Variants in DHX57 observed in about 807,000 individuals in gnomAD.
DHX57 encodes the protein putative ATP-dependent RNA helicase DHX57.
In DHX57, 105 loss-of-function variants were observed where a neutral mutation model predicts 156.2. That is an observed-to-expected ratio of 0.67 (90% CI 0.57 to 0.79). The LOEUF (loss-of-function observed/expected upper bound fraction) is 0.79. Ranked by LOEUF, DHX57 falls within the 30% of genes least tolerant of loss-of-function variation. The probability of loss-of-function intolerance (pLI) is 0.00; values close to 1 mark genes in which losing one functional copy is unlikely to be tolerated. For missense variants in DHX57, 1,847 were observed against 1,661.9 expected, an observed-to-expected ratio of 1.11 and a Z score of -1.94; for synonymous variants, 704 against 595.6, an observed-to-expected ratio of 1.18 and a Z score of -2.65.
chr2:38,806,764 A>G (rs939051678), intron 21 of DHX57, 71 bp from the exon 22 acceptor site: 22 of 1,473,996 alleles, frequency 1.5e-5, no homozygotes, highest in African/African-American at 1.4e-5. Context: ...TCTTGGCACA[A>G]AAGCACAAAA....
intron 12 of DHX57, chr2:38,838,671 G>C (rs1245482519): frequency 2.5e-6 from 1 of 398,114 alleles, no homozygotes; most frequent in Non-Finnish European, 5.0e-6. Context: ...ACTAACCTAT[G>C]GCAATCAATG....
At chr2:38,823,409 T>C in intron 16 of DHX57, 140 bp from the exon 17 acceptor site, 1 of 871,944 alleles carries the variant, frequency 1.1e-6, no homozygotes, top group Non-Finnish European at 1.7e-6. Context: ...CTTCTACCAA[T>C]AAACCACAAA....
intron 11 of DHX57, among the ~76,000 whole-genome samples, chr2:38,845,317 A>G (rs1257411556): frequency 6.6e-6 from 1 of 152,192 alleles, no homozygotes; most frequent in Non-Finnish European, 1.5e-5. Flanking sequence ...CTCATATTCA[A>G]TGGTAGTGGG....
At chr2:38,816,933 T>C (rs1670574878) in intron 19 of DHX57, among the ~76,000 whole-genome samples, 1 of 152,158 alleles carries the variant, frequency 6.6e-6, no homozygotes, top group African/African-American at 2.4e-5. Context: ...GGAAATGTAA[T>C]TTAAAAGAAA....
chr2:38,839,335 C>G (rs528767298), intron 12 of DHX57, among the ~76,000 whole-genome samples: 1 of 152,082 alleles, frequency 6.6e-6, no homozygotes, highest in African/African-American at 2.4e-5. Flanking sequence ...GCCCTAACTA[C>G]AGTCTAACTG....
intron 2 of DHX57, 129 bp downstream of exon 2, chr2:38,868,053 A>C: frequency 8.5e-7 from 1 of 1,169,652 alleles, no homozygotes. Context: ...TCTTCAGAAA[A>C]GGGTTACAAA....
intron 5 of DHX57, among the ~76,000 whole-genome samples, chr2:38,860,680 A>G (rs2124928568): frequency 6.6e-6 from 1 of 152,330 alleles, no homozygotes; most frequent in East Asian, 1.9e-4. Context: ...ACAAAAGAAA[A>G]CCAAATGAAT....
At position 38,863,399 on chromosome 2, in the gene DHX57, G is replaced by T; in HGVS notation, c.345C>A (p.Leu115=). 6.2e-7 allele frequency: 1 copy of T among 1,613,740 alleles called. No individual in the cohort carries two copies. Among genetic ancestry groups the T allele is most frequent in the Non-Finnish European group, 8.5e-7 (1 of 1,179,962 alleles). ...CAGCATCTTGTTCTTGCAGGTCTCG[G>T]AGAAGAGCTTTCACTTTCTCTTGAT... The part of the protein sequence containing the change: ...SENQEKVKAL[L]RDLQEQDADA... The change falls in exon 3 of 24, where the codon CTC becomes CTA. Residue 115 remains leucine, a synonymous_variant. Transcript: ENST00000457308.
At chr2:38,852,257 A>T (rs1278695383) in intron 9 of DHX57, among the ~76,000 whole-genome samples, 1 of 147,526 alleles carries the variant, frequency 6.8e-6, no homozygotes, top group Non-Finnish European at 1.5e-5. Flanking sequence ...GCTCACGGCA[A>T]CCTCCGCCTC....
chr2:38,819,111 G>C lies in DHX57; in HGVS notation c.3325C>G (p.Gln1109Glu), dbSNP rs763548572. The C allele has an allele frequency of 8.1e-6, 13 of 1,614,086 alleles. No homozygotes were observed. The South Asian group carries it at 9.9e-5, about 12-fold the overall frequency. The change falls in exon 18 of 24, where the codon CAG (glutamine) becomes GAG (glutamate). Residue 1109 changes from glutamine (Q) to glutamate (E), a missense_variant. Gln to Glu is a conservative substitution (Grantham distance 29). Coordinates refer to ENST00000457308, the MANE Select transcript of DHX57 (RefSeq NM_198963.3). ...GCGAATGCAAATTCCAGCTTTTTCT[G>C]GTTAGCTTCTTCTTTTTTATCCCAG... ...SPWDKKEEAN[Q>E]KKLEFAFANS... is the part of the protein sequence containing the mutation.
chr2:38,855,409 G>T, intron 7 of DHX57, 157 bp from the exon 8 acceptor site: 1 of 763,690 alleles, frequency 1.3e-6, no homozygotes, highest in Non-Finnish European at 2.2e-6. Context: ...TTATTACCAA[G>T]AGGTGGGAAA....
At chr2:38,832,801 G>C (rs557014410) in intron 13 of DHX57, among the ~76,000 whole-genome samples, 2 of 151,892 alleles carry the variant, frequency 1.3e-5, no homozygotes, top group African/African-American at 2.4e-5. Flanking sequence ...GCCTCCCAAA[G>C]TGCTGGCATT....
chr2:38,843,662 T>C (rs1170082031), intron 11 of DHX57, among the ~76,000 whole-genome samples: 1 of 152,196 alleles, frequency 6.6e-6, no homozygotes, highest in Non-Finnish European at 1.5e-5. Context: ...ATTTCAAAAC[T>C]CTTACAACTG....
intron 14 of DHX57, among the ~76,000 whole-genome samples, chr2:38,826,914 C>T (rs576740733): frequency 2.6e-5 from 4 of 152,102 alleles, no homozygotes; most frequent in East Asian, 1.9e-4. Context: ...GCGGATCACC[C>T]GAGGTCAGGA....
intron 20 of DHX57, 75 bp from the exon 21 acceptor site, chr2:38,813,970 C>G (rs1386199731): frequency 1.3e-6 from 2 of 1,521,112 alleles, no homozygotes; most frequent in African/African-American, 2.8e-5. Flanking sequence ...TGGAGTCTTG[C>G]TCTGTCACCC....
intron 13 of DHX57, among the ~76,000 whole-genome samples, chr2:38,833,947 T>C (rs561505568): frequency 6.6e-6 from 1 of 152,172 alleles, no homozygotes; most frequent in Admixed American, 6.5e-5. Flanking sequence ...TTATAAAAGG[T>C]TAAAATAATC....
intron 20 of DHX57, among the ~76,000 whole-genome samples, chr2:38,814,889 A>G (rs1209428518): frequency 1.3e-5 from 2 of 151,578 alleles, no homozygotes; most frequent in East Asian, 3.9e-4. Flanking sequence ...TGCCTGGATA[A>G]TTGTGTATTT....
chr2:38,819,117 C>T lies in DHX57; in HGVS notation c.3319G>A (p.Ala1107Thr), dbSNP rs1670690146. Residue 1107 changes from alanine (A) to threonine (T), a missense_variant, in exon 18 of 24, where the codon GCT (alanine) becomes ACT (threonine). Ala to Thr is a moderately conservative substitution (Grantham distance 58). Coordinates refer to ENST00000457308, the MANE Select transcript of DHX57 (RefSeq NM_198963.3). ...FVSPWDKKEE[A>T]NQKKLEFAFA... ...GCAAATTCCAGCTTTTTCTGGTTAG[C>T]TTCTTCTTTTTTATCCCAGGGAGAT... 6.2e-7 allele frequency: 1 copy of T among 1,614,000 alleles called. No homozygotes were observed. The highest frequency in any genetic ancestry group is 1.1e-5 in the South Asian group (1 of 91,064).
At chr2:38,798,679 C>T (rs962932122) in intron 23 of DHX57, among the ~76,000 whole-genome samples, 4 of 152,220 alleles carry the variant, frequency 2.6e-5, no homozygotes, top group Admixed American at 2.6e-4. Context: ...GGCGCAGTGG[C>T]TCACGCCTGT....
Sources: gnomAD v4.1 joint callset for allele counts (sites outside exome capture counted in the v4.1 genomes callset) on GRCh38, gnomAD v4.1.1 for gene constraint, MANE v1.5 for transcripts, NCBI Gene and HGNC (gene_info 2026-07-23, HGNC 2026-07-21) for gene names.